Variants in ACOT7 observed in about 807,000 individuals in gnomAD.
ACOT7 encodes the protein cytosolic acyl coenzyme A thioester hydrolase.
In ACOT7, 12 loss-of-function variants were observed where a neutral mutation model predicts 40.2. The ratio of observed to expected loss-of-function variants is 0.30; its 90% confidence interval spans 0.19 to 0.48. ACOT7 has a LOEUF of 0.48. Among genes scored for constraint, ACOT7 ranks in the 20% least tolerant of loss-of-function variants. The pLI is 0.99. For synonymous variants in ACOT7, 228 were observed against 219.5 expected, an observed-to-expected ratio of 1.04 and a Z score of -0.34; for missense variants, 395 against 530.8, an observed-to-expected ratio of 0.74 and a Z score of 2.51.
intron 1 of ACOT7, among the ~76,000 whole-genome samples, chr1:6,373,881 A>C (rs2148475267): frequency 6.6e-6 from 1 of 152,114 alleles, no homozygotes; most frequent in Admixed American, 6.5e-5. Context: ...AAAAAAAAAA[A>C]ATGCAGGACC....
rs974657254 is a variant in ACOT7, at chr1:6,306,852, T to C, written c.712+11640A>G. On this transcript the variant is annotated intron_variant, in intron 6 of 8. Coordinates refer to ENST00000361521, the MANE Select transcript of ACOT7 (RefSeq NM_007274.4). The surrounding 1 kb of genome is among the most constrained non-coding windows in gnomAD (Gnocchi z 4.3). ...ATTGGAAAAGAGTAACTGTGCCCTC[T>C]TTTGCATTTTTCAGTGAAAGTCAAC... 1 of 1,288,982 alleles carries C rather than the reference T, an allele frequency of 7.8e-7. No homozygotes were observed. Among genetic ancestry groups the C allele is most frequent in the Non-Finnish European group, 1.0e-6 (1 of 988,698 alleles). The allele number at this position is 1,288,982 out of a possible 1,614,324, so 79.8% of individuals were successfully genotyped here.
chr1:6,307,481 T>C (rs2148409908), intron 6 of ACOT7, among the ~76,000 whole-genome samples: 1 of 152,298 alleles, frequency 6.6e-6, no homozygotes, highest in African/African-American at 2.4e-5. Flanking sequence ...GAATAAAAAG[T>C]AAGCTGAGGC....
At chr1:6,378,772 G>A (rs1642282055) in intron 1 of ACOT7, among the ~76,000 whole-genome samples, 1 of 151,992 alleles carries the variant, frequency 6.6e-6, no homozygotes, top group Non-Finnish European at 1.5e-5. Context: ...AAGGAGGACA[G>A]AAAGGCTGGC....
chr1:6,391,660 G>A lies in ACOT7; in HGVS notation c.143+1597C>T, dbSNP rs572508370. ...CCTTTATTCAGGAGAGGGGTGGGAA[G>A]AATACTGGATCTGGAGTCAGAAGAC... On this transcript the variant is annotated intron_variant, in intron 1 of 8. Transcript: ENST00000361521. 8.5e-5 allele frequency among the ~76,000 whole-genome samples: 13 copies of A among 152,314 alleles called. 1 individual carries two copies. In the South Asian group the frequency reaches 2.3e-3, roughly 27 times the overall value.
rs1641163099 is a variant in ACOT7 at position 6,338,233 on chromosome 1, C to T, written c.418+1200G>A. 6.6e-6 allele frequency among the ~76,000 whole-genome samples: 1 copy of T among 152,194 alleles called. No individual in the cohort carries two copies. The highest frequency in any genetic ancestry group is 6.5e-5 in the Admixed American group (1 of 15,282). On this transcript the variant is annotated intron_variant, in intron 3 of 8. Coordinates refer to ENST00000361521, the MANE Select transcript of ACOT7 (RefSeq NM_007274.4). The surrounding 1 kb of genome is among the most constrained non-coding windows in gnomAD (Gnocchi z 4.4). Reference sequence around the variant, plus strand: ...AGCGCGGCAGGCCATCCCTCCTCTCCAGGAAGGGGCCAAGGCTCCACCCCC... The same window carrying T: ...AGCGCGGCAGGCCATCCCTCCTCTCTAGGAAGGGGCCAAGGCTCCACCCCC...
chr1:6,382,764 C>G (rs966362187), intron 1 of ACOT7, among the ~76,000 whole-genome samples: 1 of 151,738 alleles, frequency 6.6e-6, no homozygotes, highest in African/African-American at 2.4e-5. Flanking sequence ...CGAGACTGCA[C>G]CACCACATGC....
rs530113357 is a variant in ACOT7, at chr1:6,267,149, A to C, written c.1015-2454T>G. Among the ~76,000 whole-genome samples the C allele has an allele frequency of 3.3e-5, 5 of 152,328 alleles. No homozygotes were observed. The South Asian group carries it at 1.0e-3, about 32-fold the overall frequency. On this transcript the variant is annotated intron_variant, in intron 8 of 8. Transcript: ENST00000361521. ...TGGCCCAGGAAAGGCAGCTGGAGTG[A>C]GAAGGGACACAGCTGAAGCCCCCAC... is the stretch of plus-strand genomic sequence containing the variant.
At chr1:6,298,598 A>G (rs1437095086) in intron 6 of ACOT7, among the ~76,000 whole-genome samples, 1 of 152,214 alleles carries the variant, frequency 6.6e-6, no homozygotes, top group African/African-American at 2.4e-5. Flanking sequence ...CCCCAGGCAA[A>G]TAAGATGCCG....
intron 6 of ACOT7, among the ~76,000 whole-genome samples, chr1:6,317,377 T>C (rs956073198): frequency 1.3e-5 from 2 of 152,236 alleles, no homozygotes; most frequent in African/African-American, 4.8e-5. Context: ...AAGTAAAAAG[T>C]GTCCATCTGT....
At chr1:6,373,212 A>G (rs1642165751) in intron 1 of ACOT7, among the ~76,000 whole-genome samples, 1 of 152,136 alleles carries the variant, frequency 6.6e-6, no homozygotes, top group African/African-American at 2.4e-5. Flanking sequence ...AGGCTGGCCG[A>G]AAAATGGTGC....
At chr1:6,381,756 G>C (rs1449049085) in intron 1 of ACOT7, among the ~76,000 whole-genome samples, 1 of 151,786 alleles carries the variant, frequency 6.6e-6, no homozygotes, top group African/African-American at 2.4e-5. Flanking sequence ...CTAAAATGTG[G>C]GATTAACCCA....
intron 2 of ACOT7, among the ~76,000 whole-genome samples, chr1:6,343,714 T>A (rs1428542831): frequency 1.3e-5 from 2 of 152,292 alleles, no homozygotes. Flanking sequence ...AGCCAAGCAC[T>A]GTCTGCAAGA....
rs967002116 is a variant in ACOT7 at position 6,273,217 on chromosome 1, A to G, written c.1014+7885T>C. ...GAGATATATGCAGAGCAGAAACATG[A>G]AAGGTGGCTGGAGAAAGAGTCTGGG... is the stretch of plus-strand genomic sequence containing the variant. On this transcript the variant is annotated intron_variant, in intron 8 of 8. Coordinates refer to ENST00000361521, the MANE Select transcript of ACOT7 (RefSeq NM_007274.4). Among the ~76,000 whole-genome samples the G allele has an allele frequency of 3.9e-5, 6 of 152,336 alleles. 1 individual carries two copies. The highest frequency in any genetic ancestry group is 3.3e-4 in the Admixed American group (5 of 15,294).
chr1:6,287,631 C>T (rs1314421298), intron 7 of ACOT7, among the ~76,000 whole-genome samples: 4 of 152,168 alleles, frequency 2.6e-5, no homozygotes, highest in African/African-American at 4.8e-5. Flanking sequence ...AGCCCGTGAG[C>T]GCTGGCAGGT....
At chr1:6,276,606 G>A (rs1257325135) in intron 8 of ACOT7, among the ~76,000 whole-genome samples, 3 of 150,734 alleles carry the variant, frequency 2.0e-5, no homozygotes, top group African/African-American at 7.3e-5. Flanking sequence ...GGAGGCGACT[G>A]GGAGTAGGAG....
At chr1:6,310,727 TTTG>T (rs371258170) in intron 6 of ACOT7, among the ~76,000 whole-genome samples, 5 of 152,148 alleles carry the variant, frequency 3.3e-5, no homozygotes, top group African/African-American at 7.2e-5. Flanking sequence ...GTTTGTTTGT[TTTG>T]TTGTTGTTGT....
chr1:6,288,402 T>C lies in ACOT7; in HGVS notation c.829+6462A>G, dbSNP rs1191859115. ...TGCCACACACCTGCTAAGGACCCCGTAGGTGCTTGGCCGGGCTAGTTGGCG... is the reference window on the plus strand; with the variant it reads ...TGCCACACACCTGCTAAGGACCCCGCAGGTGCTTGGCCGGGCTAGTTGGCG... On this transcript the variant is annotated intron_variant, in intron 7 of 8. Coordinates refer to ENST00000361521, the MANE Select transcript of ACOT7 (RefSeq NM_007274.4). The surrounding 1 kb of genome is among the most constrained non-coding windows in gnomAD (Gnocchi z 4.3). Among the ~76,000 whole-genome samples, 2 of 152,302 alleles carry C rather than the reference T, an allele frequency of 1.3e-5. No homozygotes were observed. The highest frequency in any genetic ancestry group is 2.9e-5 in the Non-Finnish European group (2 of 68,022).
intron 7 of ACOT7, among the ~76,000 whole-genome samples, chr1:6,286,819 C>G (rs548682179): frequency 6.6e-6 from 1 of 152,342 alleles, no homozygotes; most frequent in Non-Finnish European, 1.5e-5. Context: ...CTGATGTCAA[C>G]TGCCCGCATT....
chr1:6,279,741 T>C (rs983290563), intron 8 of ACOT7, among the ~76,000 whole-genome samples: 6 of 152,114 alleles, frequency 3.9e-5, no homozygotes, highest in African/African-American at 1.4e-4. Context: ...CGGAGGGTAC[T>C]CGCTGGGCCT....
Sources: gnomAD v4.1 joint callset for allele counts (sites outside exome capture counted in the v4.1 genomes callset) on GRCh38, gnomAD v4.1.1 for gene constraint, Gnocchi (gnomAD v3.1) non-coding constraint, MANE v1.5 for transcripts, NCBI Gene and HGNC (gene_info 2026-07-23, HGNC 2026-07-21) for gene names.